Variants in CMIP observed in about 807,000 individuals in gnomAD.
CMIP encodes c-Maf inducing protein, also known as C-Maf-inducing protein.
Under a neutral mutation model 97.3 loss-of-function variants are expected in CMIP, and 13 were observed. The observed-to-expected ratio is 0.13, with a 90% confidence interval of 0.09 to 0.21. The LOEUF (loss-of-function observed/expected upper bound fraction) is 0.21, where lower values mean the gene tolerates loss of function less well. Among genes scored for constraint, CMIP ranks in the 10% least tolerant of loss-of-function variants. CMIP has a pLI of 1.00. For missense variants in CMIP, 847 were observed against 1,024.9 expected, an observed-to-expected ratio of 0.83 and a Z score of 2.37; for synonymous variants, 538 against 436.3, an observed-to-expected ratio of 1.23 and a Z score of -2.91.
At chr16:81,454,083 C>T (rs916201555) in intron 1 of CMIP, among the ~76,000 whole-genome samples, 1 of 152,134 alleles carries the variant, frequency 6.6e-6, no homozygotes, top group East Asian at 1.9e-4. Context: ...TCATCTGGTT[C>T]CTGGGTTTGA....
intron 1 of CMIP, chr16:81,476,133 C>A: frequency 2.0e-6 from 2 of 983,930 alleles, no homozygotes; most frequent in Non-Finnish European, 3.2e-6. Context: ...TTCACCTTGC[C>A]GGAGACCACG....
chr16:81,483,971 C>A (rs913557215), intron 1 of CMIP, among the ~76,000 whole-genome samples: 3 of 152,114 alleles, frequency 2.0e-5, no homozygotes, highest in Non-Finnish European at 2.9e-5. Context: ...AAGGTGGCAT[C>A]CAGTTTAGTT....
At chr16:81,485,087 TTTG>T (rs761414306) in intron 1 of CMIP, among the ~76,000 whole-genome samples, 1 of 152,204 alleles carries the variant, frequency 6.6e-6, no homozygotes, top group Non-Finnish European at 1.5e-5. Context: ...TTGAGATTCA[TTTG>T]CTGTGTATGG....
chr16:81,657,859 C>T (rs185921124), intron 5 of CMIP, 43 bp downstream of exon 5: 60 of 1,527,758 alleles, frequency 3.9e-5, no homozygotes, highest in Admixed American at 7.5e-5. Context: ...ACCTCCGCCT[C>T]CTGGAGCCTA....
At chr16:81,659,911 G>T (rs1425701621) in intron 5 of CMIP, among the ~76,000 whole-genome samples, 1 of 152,160 alleles carries the variant, frequency 6.6e-6, no homozygotes, top group Non-Finnish European at 1.5e-5. Flanking sequence ...TCATTATTAT[G>T]ATGCCTTCTG....
At chr16:81,513,485 C>T (rs2089852700) in intron 1 of CMIP, among the ~76,000 whole-genome samples, 1 of 152,228 alleles carries the variant, frequency 6.6e-6, no homozygotes, top group African/African-American at 2.4e-5. Context: ...CGGGATTCTC[C>T]AGGAGGCCAG....
chr16:81,451,694 G>T (rs993852768), intron 1 of CMIP, among the ~76,000 whole-genome samples: 7 of 152,202 alleles, frequency 4.6e-5, no homozygotes, highest in African/African-American at 1.7e-4. Flanking sequence ...GGTCTTCCCT[G>T]CAGCTGAAGG....
intron 1 of CMIP, among the ~76,000 whole-genome samples, chr16:81,556,546 G>A (rs962599002): frequency 6.6e-6 from 1 of 152,162 alleles, no homozygotes; most frequent in African/African-American, 2.4e-5. Context: ...TGGGCATGAG[G>A]CAGTGTCTCC....
chr16:81,672,366 T>C (rs6564907), intron 9 of CMIP, among the ~76,000 whole-genome samples: 4,767 of 152,296 alleles, frequency 0.031, 229 homozygotes, highest in African/African-American at 0.11. Flanking sequence ...TGGAGAGGTA[T>C]GACACACTGG....
chr16:81,549,863 A>C (rs1338910725), intron 1 of CMIP, among the ~76,000 whole-genome samples: 1 of 152,118 alleles, frequency 6.6e-6, no homozygotes, highest in African/African-American at 2.4e-5. Context: ...TGCATATGCC[A>C]GTGTGTATGT....
intron 1 of CMIP, among the ~76,000 whole-genome samples, chr16:81,526,678 G>A (rs548120151): frequency 6.6e-6 from 1 of 152,286 alleles, no homozygotes; most frequent in East Asian, 1.9e-4. Flanking sequence ...GGGCCCAGAG[G>A]CTTCACCAGA....
intron 1 of CMIP, among the ~76,000 whole-genome samples, chr16:81,573,703 G>T (rs551617559): frequency 6.6e-6 from 1 of 152,286 alleles, no homozygotes; most frequent in African/African-American, 2.4e-5. Context: ...TGAGAGAAGG[G>T]TTTTTTAAAC....
intron 1 of CMIP, among the ~76,000 whole-genome samples, chr16:81,495,775 A>T (rs1290070293): frequency 1.3e-5 from 2 of 152,218 alleles, no homozygotes; most frequent in African/African-American, 4.8e-5. Flanking sequence ...GTGGTCAGCC[A>T]TGGCCACTCA....
At chr16:81,477,082 A>T (rs1907971168) in intron 1 of CMIP, among the ~76,000 whole-genome samples, 1 of 152,046 alleles carries the variant, frequency 6.6e-6, no homozygotes, top group Non-Finnish European at 1.5e-5. Flanking sequence ...CATATGGTTG[A>T]TGCTTGAAAA....
At chr16:81,592,288 G>A (rs2091477686) in intron 1 of CMIP, among the ~76,000 whole-genome samples, 1 of 152,172 alleles carries the variant, frequency 6.6e-6, no homozygotes. Context: ...CCTGTCTCAG[G>A]CCCCTGCCTG....
At chr16:81,670,055 C>A in intron 7 of CMIP, 87 bp from the exon 8 acceptor site, 1 of 1,292,160 alleles carries the variant, frequency 7.7e-7, no homozygotes, top group South Asian at 1.3e-5. Flanking sequence ...AGAGCTCGGT[C>A]CCGCCCTTCT....
intron 10 of CMIP, among the ~76,000 whole-genome samples, chr16:81,689,902 C>T (rs56303631): frequency 0.22 from 34,165 of 152,042 alleles, 4,001 homozygotes; most frequent in Non-Finnish European, 0.26. Context: ...CACCATTTAT[C>T]AAATAGGGAA....
intron 1 of CMIP, among the ~76,000 whole-genome samples, chr16:81,567,201 G>A (rs142093177): frequency 5.2e-5 from 8 of 152,384 alleles, no homozygotes; most frequent in Middle Eastern, 3.4e-3. Flanking sequence ...ATCGAAGTCC[G>A]AGGCTTTGCC....
At chr16:81,576,896 A>T (rs1001203147) in intron 1 of CMIP, among the ~76,000 whole-genome samples, 1 of 152,098 alleles carries the variant, frequency 6.6e-6, no homozygotes, top group Non-Finnish European at 1.5e-5. Context: ...ACTTGGTCGT[A>T]GTGGAGGCTG....
Sources: gnomAD v4.1 joint callset for allele counts (sites outside exome capture counted in the v4.1 genomes callset) on GRCh38, gnomAD v4.1.1 for gene constraint, MANE v1.5 for transcripts, NCBI Gene and HGNC (gene_info 2026-07-23, HGNC 2026-07-21) for gene names.